Variants in SGCD observed in about 807,000 individuals in gnomAD.
The protein encoded by SGCD is sarcoglycan delta, also known as delta-sarcoglycan.
In SGCD, 18 loss-of-function variants were observed where a neutral mutation model predicts 36.6. That is an observed-to-expected ratio of 0.49 (90% CI 0.34 to 0.73). SGCD has a LOEUF of 0.73. SGCD is among the 30% of genes least tolerant of loss of function. The pLI, the probability that SGCD is intolerant of heterozygous loss-of-function variation, is 0.01. For synonymous variants in SGCD, 133 were observed against 130.6 expected, an observed-to-expected ratio of 1.02 and a Z score of -0.12; for missense variants, 387 against 346.7, an observed-to-expected ratio of 1.12 and a Z score of -0.92.
At chr5:156,443,401 A>G (rs1753586356) in intron 3 of SGCD, among the ~76,000 whole-genome samples, 1 of 152,176 alleles carries the variant, frequency 6.6e-6, no homozygotes, top group Non-Finnish European at 1.5e-5. Context: ...AGTTTTGCCA[A>G]CATGAATAGC....
chr5:155,866,264 C>T (rs1189196044), upstream of SGCD, among the ~76,000 whole-genome samples: 1 of 152,134 alleles, frequency 6.6e-6, no homozygotes, highest in Non-Finnish European at 1.5e-5. Flanking sequence ...TCACTACAAG[C>T]ACTAAGTGGT....
intron 5 of SGCD, among the ~76,000 whole-genome samples, chr5:156,590,746 T>TC (rs1760693264): frequency 1.1e-4 from 16 of 150,910 alleles, no homozygotes; most frequent in Admixed American, 8.6e-4. Flanking sequence ...GTCTCTTTTT[T>TC]TCCCCCCACT....
intron 2 of SGCD, among the ~76,000 whole-genome samples, chr5:156,331,777 C>T (rs182110769): frequency 1.2e-4 from 19 of 152,142 alleles, no homozygotes; most frequent in African/African-American, 4.3e-4. Context: ...ACGAATCATT[C>T]GACAAAATCT....
intron 3 of SGCD, among the ~76,000 whole-genome samples, chr5:156,478,237 AG>A (rs1199486122): frequency 3.3e-5 from 5 of 152,168 alleles, no homozygotes; most frequent in Non-Finnish European, 7.3e-5. Context: ...AAGATTGATA[AG>A]GGACCTATAT....
chr5:155,728,472 T>G, the SGCD span, among the ~76,000 whole-genome samples: 1 of 152,128 alleles, frequency 6.6e-6, no homozygotes, highest in African/African-American at 2.4e-5. Context: ...CACGGCGGAT[T>G]GAAGCGAGCT....
chr5:155,924,595 G>C (rs999770818), intron 1 of SGCD, among the ~76,000 whole-genome samples: 4 of 152,200 alleles, frequency 2.6e-5, no homozygotes, highest in African/African-American at 7.2e-5. Flanking sequence ...GGAATGAATT[G>C]TTAAGTTTGG....
In SGCD at chr5:156,723,856, T is replaced by TGTGG. The variant is rs1383031745; in HGVS notation, c.576-33722_576-33721insGGTG. On this transcript the variant is annotated intron_variant, in intron 7 of 8. Coordinates refer to ENST00000337851, the MANE Select transcript of SGCD (RefSeq NM_000337.6). ...ACTGAAGTGTTTTAAGCCAAGTGTG[T>TGTGG]GTGTGTGTGTGTGTGTGTGTGTATG... Among the ~76,000 whole-genome samples the TGTGG allele has an allele frequency of 1.1e-4, 17 of 151,156 alleles. No individual in the cohort carries two copies. The South Asian group carries it at 3.6e-3, about 32-fold the overall frequency.
intron 3 of SGCD, among the ~76,000 whole-genome samples, chr5:156,501,484 T>C (rs13167304): frequency 2.0e-5 from 3 of 152,158 alleles, no homozygotes; most frequent in Non-Finnish European, 4.4e-5. Context: ...TCTGTACTCA[T>C]CTTCTATAGA....
intron 3 of SGCD, among the ~76,000 whole-genome samples, chr5:156,204,507 A>G (rs1764226432): frequency 1.3e-5 from 2 of 150,782 alleles, no homozygotes. Context: ...CACACACAAT[A>G]TCATGTGAAC....
chr5:156,489,772 G>A (rs895616726), intron 3 of SGCD, among the ~76,000 whole-genome samples: 2 of 151,716 alleles, frequency 1.3e-5, no homozygotes, highest in Admixed American at 6.6e-5. Flanking sequence ...CAAAGAAAGT[G>A]GAAGGATTTC....
intron 1 of SGCD, among the ~76,000 whole-genome samples, chr5:155,945,236 T>G (rs955024814): frequency 1.3e-5 from 2 of 151,956 alleles, no homozygotes; most frequent in African/African-American, 4.8e-5. Context: ...TGGCTTGGAG[T>G]AGACATTCAG....
At chr5:156,172,487 C>T (rs1763368917) in intron 3 of SGCD, among the ~76,000 whole-genome samples, 1 of 152,142 alleles carries the variant, frequency 6.6e-6, no homozygotes, top group Admixed American at 6.5e-5. Flanking sequence ...TTTTTCATTT[C>T]CTCATTTATA....
chr5:155,777,541 G>A, the SGCD span, among the ~76,000 whole-genome samples: 478 of 151,746 alleles, frequency 3.2e-3, 3 homozygotes, highest in African/African-American at 9.7e-3. Flanking sequence ...ATTTTTTTGC[G>A]GAGATGGGAT....
At chr5:156,008,928 C>T (rs969800934) in intron 1 of SGCD, among the ~76,000 whole-genome samples, 2 of 152,136 alleles carry the variant, frequency 1.3e-5, no homozygotes, top group Non-Finnish European at 2.9e-5. Context: ...TATATTTATA[C>T]AAGAGTCATA....
intron 7 of SGCD, among the ~76,000 whole-genome samples, chr5:156,675,074 A>G (rs531639003): frequency 6.6e-6 from 1 of 152,286 alleles, no homozygotes; most frequent in South Asian, 2.1e-4. Context: ...CACTTGGTAA[A>G]GATGAGCAGA....
intron 6 of SGCD, among the ~76,000 whole-genome samples, chr5:156,622,004 C>T (rs542215601): frequency 6.6e-6 from 1 of 152,198 alleles, no homozygotes; most frequent in East Asian, 1.9e-4. Flanking sequence ...AGCTCTAAAC[C>T]CAGACAATCA....
At chr5:156,743,398 C>T (rs1055361711) in intron 7 of SGCD, among the ~76,000 whole-genome samples, 2 of 152,214 alleles carry the variant, frequency 1.3e-5, no homozygotes, top group Admixed American at 1.3e-4. Context: ...AGGCATGAAC[C>T]ACCGCGCCCA....
At chr5:156,643,053 A>C (rs1763097450) in intron 6 of SGCD, among the ~76,000 whole-genome samples, 1 of 148,736 alleles carries the variant, frequency 6.7e-6, no homozygotes, top group Non-Finnish European at 1.5e-5. Context: ...TTTTTTTGAA[A>C]CGGAGTTTCA....
chr5:156,208,754 C>T (rs1764357190), intron 3 of SGCD, among the ~76,000 whole-genome samples: 1 of 152,038 alleles, frequency 6.6e-6, no homozygotes, highest in African/African-American at 2.4e-5. Flanking sequence ...CTCTTAGTTC[C>T]GTAAAGACAA....
Sources: gnomAD v4.1 joint callset for allele counts (sites outside exome capture counted in the v4.1 genomes callset) on GRCh38, gnomAD v4.1.1 for gene constraint, MANE v1.5 for transcripts, NCBI Gene and HGNC (gene_info 2026-07-23, HGNC 2026-07-21) for gene names.